The following BRINP1 variants were observed in gnomAD, a reference collection of about 807,000 sequenced individuals.
BRINP1 encodes the protein BMP/retinoic acid inducible neural specific 1.
BRINP1 carries 17 observed loss-of-function variants against 72.9 expected under a neutral mutation model. That is an observed-to-expected ratio of 0.23 (90% CI 0.16 to 0.35). BRINP1 has a LOEUF of 0.35. Among genes scored for constraint, BRINP1 ranks in the 10% least tolerant of loss-of-function variants. The probability of loss-of-function intolerance (pLI) is 1.00; values close to 1 mark genes in which losing one functional copy is unlikely to be tolerated. For missense variants in BRINP1, 850 were observed against 1,001.6 expected, an observed-to-expected ratio of 0.85 and a Z score of 2.04; for synonymous variants, 418 against 378.5, an observed-to-expected ratio of 1.10 and a Z score of -1.21.
At chr9:119,246,718 T>G (rs906589406) in intron 3 of BRINP1, among the ~76,000 whole-genome samples, 1 of 152,206 alleles carries the variant, frequency 6.6e-6, no homozygotes, top group Non-Finnish European at 1.5e-5. Context: ...CCCACCTCCC[T>G]TCTCTCATAC....
intron 5 of BRINP1, among the ~76,000 whole-genome samples, chr9:119,222,175 G>T (rs904519359): frequency 6.6e-6 from 1 of 152,112 alleles, no homozygotes; most frequent in African/African-American, 2.4e-5. Flanking sequence ...GCCATCGGAG[G>T]AGCAGAATCA....
rs1829954414 is a variant in BRINP1 at position 119,214,029 on chromosome 9, T to C, written c.812A>G (p.Glu271Gly). 6.2e-7 allele frequency: 1 copy of C among 1,614,148 alleles called. No homozygotes were observed. The highest frequency in any genetic ancestry group is 8.5e-7 in the Non-Finnish European group (1 of 1,180,026). Residue 271 changes from glutamate (E) to glycine (G), a missense_variant, in exon 6 of 8, where the codon GAG becomes GGG. Physicochemically the swap from Glu to Gly is moderately conservative, Grantham distance 98 (BLOSUM62 -2). Coordinates refer to ENST00000265922, the MANE Select transcript of BRINP1 (RefSeq NM_014618.3). ...QNSQCRCQCA[E>G]EFPQCNCPIT... ...GGGGCAGTTGCACTGCGGAAACTCC[T>C]CGGCACATTGGCAGCGACACTGGCT...
intron 2 of BRINP1, among the ~76,000 whole-genome samples, chr9:119,295,623 T>A (rs1372081305): frequency 6.6e-6 from 1 of 152,190 alleles, no homozygotes; most frequent in Non-Finnish European, 1.5e-5. Flanking sequence ...AACATCATCA[T>A]GCAGTGTGTC....
At chr9:119,257,485 TA>T (rs1375764909) in intron 2 of BRINP1, among the ~76,000 whole-genome samples, 1 of 152,240 alleles carries the variant, frequency 6.6e-6, no homozygotes, top group Non-Finnish European at 1.5e-5. Flanking sequence ...GAACCCCGAA[TA>T]AAGGTTTGTT....
At chr9:119,226,459 A>G (rs1391448858) in intron 5 of BRINP1, among the ~76,000 whole-genome samples, 1 of 152,044 alleles carries the variant, frequency 6.6e-6, no homozygotes, top group African/African-American at 2.4e-5. Flanking sequence ...ACATGGCTAC[A>G]TACCAAGAAG....
chr9:119,328,634 T>G lies in BRINP1; in HGVS notation c.-50-15229A>C, dbSNP rs1421404510. 2.0e-5 allele frequency among the ~76,000 whole-genome samples: 3 copies of G among 152,170 alleles called. No individual in the cohort carries two copies. In the East Asian group the frequency reaches 5.8e-4, roughly 29 times the overall value. On this transcript the variant is annotated intron_variant, in intron 1 of 7. Coordinates refer to ENST00000265922, the MANE Select transcript of BRINP1 (RefSeq NM_014618.3). The stretch of plus-strand genomic sequence containing the variant: ...TAATTAAATAGAAAGTGTCCATGAC[T>G]TTAGGGAGCCATAGGCTGATAACGG...
At chr9:119,346,949 C>CA (rs978280864) in intron 1 of BRINP1, among the ~76,000 whole-genome samples, 14 of 152,104 alleles carry the variant, frequency 9.2e-5, no homozygotes, top group African/African-American at 3.1e-4. Flanking sequence ...TCACTAGACC[C>CA]AATGTGGAGG....
intron 7 of BRINP1, among the ~76,000 whole-genome samples, chr9:119,184,081 A>AT (rs544002311): frequency 1.3e-5 from 2 of 152,092 alleles, no homozygotes; most frequent in Non-Finnish European, 2.9e-5. Flanking sequence ...TCCGAGCCAC[A>AT]GGGGGGGAGA....
At chr9:119,319,517 G>C (rs906420352) in intron 1 of BRINP1, among the ~76,000 whole-genome samples, 1 of 152,158 alleles carries the variant, frequency 6.6e-6, no homozygotes, top group African/African-American at 2.4e-5. Context: ...TGATGGCAGG[G>C]AGTGACTCCC....
intron 2 of BRINP1, among the ~76,000 whole-genome samples, chr9:119,304,597 T>C (rs933542341): frequency 2.6e-5 from 4 of 152,234 alleles, no homozygotes; most frequent in African/African-American, 9.6e-5. Context: ...TCTGGTTCCT[T>C]TTATTAGACA....
intron 1 of BRINP1, among the ~76,000 whole-genome samples, chr9:119,336,349 C>T (rs769989535): frequency 5.9e-5 from 9 of 152,270 alleles, no homozygotes; most frequent in East Asian, 3.9e-4. Flanking sequence ...TTCCTACATA[C>T]GTTGATTTAT....
intron 6 of BRINP1, 135 bp from the exon 7 acceptor site, chr9:119,209,076 CA>C (rs1169715197): frequency 1.5e-6 from 1 of 674,102 alleles, no homozygotes; most frequent in Non-Finnish European, 2.5e-6. Flanking sequence ...GGCCATAGAA[CA>C]TTGCATTAGT....
intron 1 of BRINP1, among the ~76,000 whole-genome samples, chr9:119,340,864 C>T (rs760524108): frequency 5.9e-5 from 9 of 152,188 alleles, no homozygotes; most frequent in South Asian, 2.1e-4. Context: ...AGGTAAGAAT[C>T]GTATGAAGGT....
intron 7 of BRINP1, among the ~76,000 whole-genome samples, chr9:119,208,181 G>A (rs945548234): frequency 2.6e-5 from 4 of 152,154 alleles, no homozygotes; most frequent in Admixed American, 1.3e-4. Flanking sequence ...GCCAGGCACT[G>A]AAGGTGACAC....
rs374311716 is a variant in BRINP1 at position 119,167,059 on chromosome 9, A to C, written c.*25T>G. ...CTGTTGTGTGTGTACAACAACAGGAAAAGTCCATGGCAAGGAGTCCCGGGT... is the reference window on the plus strand; with the variant it reads ...CTGTTGTGTGTGTACAACAACAGGACAAGTCCATGGCAAGGAGTCCCGGGT... On this transcript the variant is annotated 3_prime_UTR_variant, in exon 8 of 8. Transcript: ENST00000265922. This position sits in a 1 kb window ranked among gnomAD's most constrained non-coding sequence, Gnocchi z 4.3. 1.9e-6 allele frequency: 3 copies of C among 1,565,796 alleles called. No homozygotes were observed. The African/African-American group carries it at 4.1e-5, about 21-fold the overall frequency.
chr9:119,338,733 G>T (rs1386082821), intron 1 of BRINP1, among the ~76,000 whole-genome samples: 1 of 119,092 alleles, frequency 8.4e-6, no homozygotes, highest in Non-Finnish European at 1.9e-5. Flanking sequence ...AAAAAAAAAA[G>T]AAGAAGAAGA....
chr9:119,282,854 T>C (rs1830726679), intron 2 of BRINP1: 3 of 985,292 alleles, frequency 3.0e-6, no homozygotes, highest in Non-Finnish European at 3.6e-6. Context: ...ACAGCAGTGA[T>C]AGATTACCTC....
At chr9:119,258,515 A>G (rs1394153212) in intron 2 of BRINP1, among the ~76,000 whole-genome samples, 2 of 152,182 alleles carry the variant, frequency 1.3e-5, no homozygotes, top group East Asian at 1.9e-4. Context: ...ATGCACTGGA[A>G]CTGCTCACTG....
chr9:119,321,579 A>G (rs1367300555), intron 1 of BRINP1, among the ~76,000 whole-genome samples: 2 of 152,134 alleles, frequency 1.3e-5, no homozygotes, highest in Non-Finnish European at 2.9e-5. Flanking sequence ...CGCATCAGCG[A>G]TCCTCCTGCA....
Sources: allele counts gnomAD v4.1 joint callset (sites outside exome capture counted in the v4.1 genomes callset), GRCh38; gene constraint gnomAD v4.1.1; non-coding constraint Gnocchi (gnomAD v3.1); transcripts MANE v1.5; gene names NCBI Gene and HGNC (gene_info 2026-07-23, HGNC 2026-07-21).